LRRC37A3: variants seen among roughly 807,000 people sequenced by gnomAD.
LRRC37A3 encodes the protein leucine-rich repeat-containing protein 37A3.
Under a neutral mutation model 106.2 loss-of-function variants are expected in LRRC37A3, and 25 were observed. The ratio of observed to expected loss-of-function variants is 0.24; its 90% confidence interval spans 0.17 to 0.33. The LOEUF (loss-of-function observed/expected upper bound fraction) is 0.33, where lower values mean the gene tolerates loss of function less well. LRRC37A3 is among the 10% of genes least tolerant of loss of function. The probability of loss-of-function intolerance (pLI) is 1.00; values close to 1 mark genes in which losing one functional copy is unlikely to be tolerated. For missense variants in LRRC37A3, 712 were observed against 1,644.9 expected (o/e 0.43, Z 9.81); for synonymous variants, 305 against 635.8 (o/e 0.48, Z 7.83).
intron 2 of LRRC37A3, among the ~76,000 whole-genome samples, chr17:64,912,854 C>T (rs1974620599): frequency 6.8e-6 from 1 of 146,116 alleles, no homozygotes; most frequent in Non-Finnish European, 1.5e-5. Flanking sequence ...TCAAGACCAG[C>T]CTGGGCAACA....
chr17:64,871,425 C>T (rs1005269897), intron 8 of LRRC37A3: 2 of 152,112 alleles, frequency 1.3e-5, no homozygotes, highest in African/African-American at 4.8e-5. Context: ...ATGTCTTTCC[C>T]CTAATCATTT....
chr17:64,907,653 AG>A (rs1160452099), intron 2 of LRRC37A3, among the ~76,000 whole-genome samples: 1 of 151,420 alleles, frequency 6.6e-6, no homozygotes, highest in East Asian at 1.9e-4. Context: ...AAAAAATAAA[AG>A]GACCCTTAAA....
intron 2 of LRRC37A3, among the ~76,000 whole-genome samples, chr17:64,917,745 T>C (rs1175136372): frequency 1.3e-5 from 2 of 152,090 alleles, no homozygotes; most frequent in Non-Finnish European, 2.9e-5. Flanking sequence ...GGCCGGCGGA[T>C]TACCTGAGGT....
chr17:64,861,522 C>A (rs890686563), intron 11 of LRRC37A3, among the ~76,000 whole-genome samples: 2 of 152,210 alleles, frequency 1.3e-5, no homozygotes, highest in African/African-American at 4.8e-5. Context: ...ATGCGCTCCA[C>A]CCACCCCATT....
chr17:64,903,728 C>G (rs1298794063), intron 2 of LRRC37A3, among the ~76,000 whole-genome samples: 1 of 152,196 alleles, frequency 6.6e-6, no homozygotes, highest in Admixed American at 6.5e-5. Context: ...TGACTTCAAA[C>G]CCTAAGCCTG....
At chr17:64,867,103 G>C (rs1973142967) in intron 10 of LRRC37A3, among the ~76,000 whole-genome samples, 1 of 151,598 alleles carries the variant, frequency 6.6e-6, no homozygotes, top group Non-Finnish European at 1.5e-5. Context: ...GATTTCTTAG[G>C]TAAGAAACAA....
At chr17:64,865,634 C>T (rs1166570871) in intron 10 of LRRC37A3, among the ~76,000 whole-genome samples, 7 of 152,102 alleles carry the variant, frequency 4.6e-5, no homozygotes, top group Non-Finnish European at 4.4e-5. Flanking sequence ...TGGACAAAAC[C>T]ATTTGAGAGT....
intron 11 of LRRC37A3, among the ~76,000 whole-genome samples, chr17:64,861,187 C>T (rs1972854807): frequency 6.6e-6 from 1 of 152,192 alleles, no homozygotes; most frequent in Non-Finnish European, 1.5e-5. Flanking sequence ...CTACTTGGAA[C>T]ATTCCATAGT....
chr17:64,866,333 G>C (rs1010814469), intron 10 of LRRC37A3, among the ~76,000 whole-genome samples: 1 of 151,660 alleles, frequency 6.6e-6, no homozygotes, highest in African/African-American at 2.4e-5. Flanking sequence ...CTGACAACCT[G>C]GTGAAGATAA....
chr17:64,909,171 G>A (rs1974528303), intron 2 of LRRC37A3, among the ~76,000 whole-genome samples: 1 of 152,110 alleles, frequency 6.6e-6, no homozygotes, highest in Non-Finnish European at 1.5e-5. Context: ...TTTCCCCTAA[G>A]ATCCAGATGA....
chr17:64,916,655 G>A (rs181054094), intron 2 of LRRC37A3, among the ~76,000 whole-genome samples: 34 of 149,728 alleles, frequency 2.3e-4, no homozygotes, highest in Admixed American at 4.0e-4. Context: ...GTGGTGGTGC[G>A]CACTTGCAAT....
At chr17:64,893,714 A>G (rs1173377882) in intron 4 of LRRC37A3, among the ~76,000 whole-genome samples, 2 of 140,436 alleles carry the variant, frequency 1.4e-5, no homozygotes, top group Admixed American at 6.9e-5. Flanking sequence ...CAGTGGTGCA[A>G]TCTCGGCTCA....
intron 11 of LRRC37A3, 123 bp from the exon 12 acceptor site, chr17:64,861,096 A>G (rs977659316): frequency 3.7e-5 from 55 of 1,500,506 alleles, no homozygotes; most frequent in Non-Finnish European, 4.9e-5. Flanking sequence ...CCATTCAGAG[A>G]GGAGAAACAC....
At chr17:64,913,342 T>G (rs1335750927) in intron 2 of LRRC37A3, among the ~76,000 whole-genome samples, 1 of 150,830 alleles carries the variant, frequency 6.6e-6, no homozygotes, top group Non-Finnish European at 1.5e-5. Context: ...TTTGGGTTTT[T>G]TTTTTTTTTT....
At chr17:64,870,083 ATTT>A (rs904361471) in intron 8 of LRRC37A3, among the ~76,000 whole-genome samples, 14 of 110,388 alleles carry the variant, frequency 1.3e-4, no homozygotes, top group Non-Finnish European at 2.2e-4. Flanking sequence ...CAGAGACCAC[ATTT>A]TTTTTTTTTT....
chr17:64,866,622 ATATATATTTTT>A (rs1252551648), intron 10 of LRRC37A3, among the ~76,000 whole-genome samples: 1 of 24,518 alleles, frequency 4.1e-5, no homozygotes, highest in African/African-American at 2.2e-4. Flanking sequence ...ATATATATAT[ATATATATTTTT>A]TTTTTTTTTT....
At chr17:64,868,275 C>T (rs1973185940) in intron 10 of LRRC37A3, among the ~76,000 whole-genome samples, 187 bp downstream of exon 10, 2 of 151,976 alleles carry the variant, frequency 1.3e-5, no homozygotes, top group African/African-American at 4.8e-5. Flanking sequence ...ATCAGAAATG[C>T]TTTATATTGG....
Position 64,859,487 on chromosome 17 carries a change from A to T in LRRC37A3, c.4659T>A (p.Asn1553Lys), listed in dbSNP as rs1387877696. ...GTTCACTCTGGGCTTCTGTGCTCTCATTAATGTAGTTCTCAGTCTTCCATT... is the reference window on the plus strand; with the variant it reads ...GTTCACTCTGGGCTTCTGTGCTCTCTTTAATGTAGTTCTCAGTCTTCCATT... ...TDQWKTENYI[N>K]ESTEAQSEQK... The change falls in exon 12 of 15, where the codon AAT becomes AAA. Residue 1553 changes from asparagine to lysine, a missense_variant. Physicochemically the swap from Asn to Lys is moderately conservative, Grantham distance 94 (BLOSUM62 0). Transcript: ENST00000584306. 1 of 1,610,474 alleles carries T rather than the reference A, an allele frequency of 6.2e-7. No individual in the cohort carries two copies. Among genetic ancestry groups the T allele is most frequent in the Non-Finnish European group, 8.5e-7 (1 of 1,179,414 alleles).
At chr17:64,865,087 A>G (rs1342217523) in intron 10 of LRRC37A3, among the ~76,000 whole-genome samples, 3 of 152,184 alleles carry the variant, frequency 2.0e-5, no homozygotes, top group Non-Finnish European at 4.4e-5. Flanking sequence ...TATGGAATGG[A>G]CCCGGAACCG....
Sources: gnomAD v4.1 joint callset for allele counts (sites outside exome capture counted in the v4.1 genomes callset) on GRCh38, gnomAD v4.1.1 for gene constraint, MANE v1.5 for transcripts, NCBI Gene and HGNC (gene_info 2026-07-23, HGNC 2026-07-21) for gene names.